Variants in ZFAND3 observed in about 807,000 individuals in gnomAD.
The protein encoded by ZFAND3 is AN1-type zinc finger protein 3.
Under a neutral mutation model 29.6 loss-of-function variants are expected in ZFAND3, and 10 were observed. That is an observed-to-expected ratio of 0.34 (90% CI 0.21 to 0.57). ZFAND3 has a LOEUF of 0.57. Among genes scored for constraint, ZFAND3 ranks in the 20% least tolerant of loss-of-function variants. The pLI is 0.86. For missense variants in ZFAND3, 230 were observed against 304.5 expected, an observed-to-expected ratio of 0.76 and a Z score of 1.82; for synonymous variants, 128 against 112.6, an observed-to-expected ratio of 1.14 and a Z score of -0.87.
At chr6:37,865,412 G>A (rs1764573442) in intron 1 of ZFAND3, among the ~76,000 whole-genome samples, 1 of 152,106 alleles carries the variant, frequency 6.6e-6, no homozygotes, top group Non-Finnish European at 1.5e-5. Context: ...TTGAATCCAT[G>A]GATGCAGAAC....
rs553465182 is a variant in ZFAND3 at position 37,879,831 on chromosome 6, A to C, written c.72-50128A>C. On this transcript the variant is annotated intron_variant, in intron 1 of 5. Coordinates refer to ENST00000287218, the MANE Select transcript of ZFAND3 (RefSeq NM_021943.3). ...TTAATTCTTTTGAACTGAATACTGC[A>C]TTATTTTCAGGATAGCATGAAGATG... 4.6e-5 allele frequency among the ~76,000 whole-genome samples: 7 copies of C among 152,332 alleles called. No individual in the cohort carries two copies. The East Asian group carries it at 1.4e-3, about 29-fold the overall frequency.
chr6:37,903,475 C>T (rs993003937), intron 1 of ZFAND3, among the ~76,000 whole-genome samples: 9 of 152,198 alleles, frequency 5.9e-5, no homozygotes, highest in African/African-American at 1.9e-4. Context: ...TTCTAAATTA[C>T]TGTCAAAGCG....
At position 38,053,679 on chromosome 6, in the gene ZFAND3, G is replaced by A. The variant is rs556434604; in HGVS notation, c.113-7914G>A. Among the ~76,000 whole-genome samples the A allele has an allele frequency of 3.9e-5, 6 of 152,198 alleles. No homozygotes were observed. In the South Asian group the frequency reaches 1.0e-3, roughly 26 times the overall value. On this transcript the variant is annotated intron_variant, in intron 2 of 5. Transcript: ENST00000287218. ...GCACCACTACATTCCAGCCTGGATG[G>A]CAGAGTGAGACTCTGTCTCAAAATA... is the stretch of plus-strand genomic sequence containing the variant.
At chr6:37,995,265 A>G (rs1251935571) in intron 2 of ZFAND3, among the ~76,000 whole-genome samples, 1 of 152,148 alleles carries the variant, frequency 6.6e-6, no homozygotes, top group Non-Finnish European at 1.5e-5. Flanking sequence ...AAATAAGGAA[A>G]ACTAATCTTG....
chr6:38,026,092 A>AAG (rs1763441733), intron 2 of ZFAND3, among the ~76,000 whole-genome samples: 1 of 152,188 alleles, frequency 6.6e-6, no homozygotes, highest in African/African-American at 2.4e-5. Context: ...CTATTACTTA[A>AAG]AATATAAATT....
intron 1 of ZFAND3, among the ~76,000 whole-genome samples, chr6:37,853,931 G>A (rs1311016959): frequency 6.6e-6 from 1 of 151,914 alleles, no homozygotes; most frequent in Non-Finnish European, 1.5e-5. Context: ...CATAAAAATA[G>A]GGCTTTTGCC....
intron 4 of ZFAND3, among the ~76,000 whole-genome samples, chr6:38,094,985 A>G (rs761077985): frequency 1.7e-4 from 26 of 152,178 alleles, no homozygotes; most frequent in Non-Finnish European, 3.5e-4. Flanking sequence ...TGGATTTCAG[A>G]TTTGAGGATT....
intron 2 of ZFAND3, among the ~76,000 whole-genome samples, chr6:37,994,455 C>T (rs772251209): frequency 3.3e-4 from 50 of 152,258 alleles, no homozygotes; most frequent in Non-Finnish European, 6.9e-4. Flanking sequence ...CAAGCTCAGA[C>T]ATTACTTTTC....
chr6:37,929,102 G>A (rs1761544775), intron 1 of ZFAND3, among the ~76,000 whole-genome samples: 1 of 152,108 alleles, frequency 6.6e-6, no homozygotes. Flanking sequence ...CTAAGCATGT[G>A]GGAATTATTT....
At chr6:38,086,397 A>G (rs564141747) in intron 4 of ZFAND3, among the ~76,000 whole-genome samples, 2 of 152,296 alleles carry the variant, frequency 1.3e-5, no homozygotes, top group South Asian at 4.2e-4. Flanking sequence ...TCCACAGTCA[A>G]TGAAGAGTTG....
chr6:37,844,032 C>A (rs1764129585), intron 1 of ZFAND3, among the ~76,000 whole-genome samples: 2 of 151,970 alleles, frequency 1.3e-5, no homozygotes, highest in South Asian at 4.1e-4. Flanking sequence ...ATCCTCCCAC[C>A]TCAGCTTCCT....
intron 1 of ZFAND3, among the ~76,000 whole-genome samples, chr6:37,856,378 T>C (rs1348572119): frequency 2.0e-5 from 3 of 152,220 alleles, no homozygotes; most frequent in South Asian, 2.1e-4. Flanking sequence ...ATCCATGTTA[T>C]TCTCTTTTCT....
chr6:38,144,232 T>TAATATATATATATATA (rs147631639), intron 5 of ZFAND3, among the ~76,000 whole-genome samples: 7 of 48,290 alleles, frequency 1.4e-4, no homozygotes, highest in African/African-American at 8.7e-4. Flanking sequence ...TATATATATA[T>TAATATATATATATATA]TTTTTTTTTA....
intron 1 of ZFAND3, among the ~76,000 whole-genome samples, chr6:37,906,989 A>G (rs1397986432): frequency 6.6e-6 from 1 of 152,130 alleles, no homozygotes; most frequent in Non-Finnish European, 1.5e-5. Context: ...TTCGGAATAT[A>G]AAATAAAGGA....
chr6:38,138,899 G>A (rs796616598), intron 5 of ZFAND3, among the ~76,000 whole-genome samples: 1 of 152,166 alleles, frequency 6.6e-6, no homozygotes. Flanking sequence ...ATTGGATATC[G>A]GGATTTGGAT....
chr6:37,821,745 C>T (rs1429395128), intron 1 of ZFAND3, among the ~76,000 whole-genome samples: 6 of 152,220 alleles, frequency 3.9e-5, no homozygotes, highest in African/African-American at 1.4e-4. Flanking sequence ...ACGTTTATGT[C>T]CTTCGGACTG....
At chr6:37,890,716 T>G (rs1765080098) in intron 1 of ZFAND3, among the ~76,000 whole-genome samples, 1 of 152,222 alleles carries the variant, frequency 6.6e-6, no homozygotes, top group South Asian at 2.1e-4. Context: ...CCAGATTGCT[T>G]TATCAGTTTA....
chr6:38,022,541 C>T (rs1763371625), intron 2 of ZFAND3, among the ~76,000 whole-genome samples: 1 of 152,202 alleles, frequency 6.6e-6, no homozygotes, highest in South Asian at 2.1e-4. Context: ...GTACCACACG[C>T]TATACAAAGT....
intron 1 of ZFAND3, among the ~76,000 whole-genome samples, chr6:37,862,301 A>G (rs961569137): frequency 6.6e-6 from 1 of 152,166 alleles, no homozygotes; most frequent in Non-Finnish European, 1.5e-5. Context: ...AGACGGCCTC[A>G]TTCACCCATC....
Sources: allele counts gnomAD v4.1 joint callset (sites outside exome capture counted in the v4.1 genomes callset), GRCh38; gene constraint gnomAD v4.1.1; transcripts MANE v1.5; gene names NCBI Gene and HGNC (gene_info 2026-07-23, HGNC 2026-07-21).